Variants in PDE4C observed in about 807,000 individuals in gnomAD.
PDE4C encodes 3',5'-cyclic-AMP phosphodiesterase 4C.
A neutral mutation model predicts 63.9 loss-of-function variants in PDE4C; 50 were observed. The ratio of observed to expected loss-of-function variants is 0.78; its 90% confidence interval spans 0.62 to 0.99. The LOEUF is 0.99. Ranked by LOEUF, PDE4C falls within the 50% of genes least tolerant of loss-of-function variation. The pLI, the probability that PDE4C is intolerant of heterozygous loss-of-function variation, is 0.00. For missense variants in PDE4C, 777 were observed against 899.1 expected, an observed-to-expected ratio of 0.86 and a Z score of 1.74; for synonymous variants, 377 against 385.1, an observed-to-expected ratio of 0.98 and a Z score of 0.25.
chr19:18,238,419 G>A (rs1968988733), upstream of PDE4C, among the ~76,000 whole-genome samples: 1 of 151,630 alleles, frequency 6.6e-6, no homozygotes, highest in Non-Finnish European at 1.5e-5. Flanking sequence ...GGTATTTTTA[G>A]TAGAGAGGGG....
At chr19:18,219,879 A>C (rs1968383179) in intron 7 of PDE4C, among the ~76,000 whole-genome samples, 1 of 150,806 alleles carries the variant, frequency 6.6e-6, no homozygotes, top group Non-Finnish European at 1.5e-5. Flanking sequence ...TCCTCTGTTC[A>C]CAGCTGATCT....
exon 1 of PDE4C, chr19:18,233,584 A>G: frequency 2.1e-6 from 1 of 479,724 alleles, no homozygotes; most frequent in South Asian, 1.5e-5. Flanking sequence ...TCGCTGCTAA[A>G]TGGAGGGCAG....
chr19:18,250,233 G>C (rs1476678435), upstream of PDE4C: 1 of 398,960 alleles, frequency 2.5e-6, no homozygotes. Flanking sequence ...TGCAGCCCAG[G>C]TTGGCCCTGC....
At chr19:18,216,031 ATG>A (rs1374566539) in intron 12 of PDE4C, among the ~76,000 whole-genome samples, 1 of 151,266 alleles carries the variant, frequency 6.6e-6, no homozygotes, top group Non-Finnish European at 1.5e-5. Context: ...GGGTTTCACC[ATG>A]TTGATCAAGC....
At chr19:18,242,322 A>G (rs972952805) in intron 1 of PDE4C, among the ~76,000 whole-genome samples, 1 of 151,448 alleles carries the variant, frequency 6.6e-6, no homozygotes, top group African/African-American at 2.4e-5. Flanking sequence ...ATAAAAATAC[A>G]AAAATTACCT....
At chr19:18,219,691 G>A in intron 7 of PDE4C, 1 of 309,976 alleles carries the variant, frequency 3.2e-6, no homozygotes, top group Non-Finnish European at 6.0e-6. Context: ...ACGTATGGTG[G>A]CAGGCACCTG....
At chr19:18,249,920 C>T, upstream of PDE4C, 1 of 389,268 alleles carries the variant, frequency 2.6e-6, no homozygotes, top group Non-Finnish European at 4.5e-6. Context: ...TCTGTGGATC[C>T]CCTGAAAGTA....
At chr19:18,254,681 CAGAG>C in the PDE4C span, among the ~76,000 whole-genome samples, 2 of 152,142 alleles carry the variant, frequency 1.3e-5, no homozygotes, top group Non-Finnish European at 2.9e-5. Context: ...GGACACCGGT[CAGAG>C]AGAGTGACAA....
Position 18,220,509 on chromosome 19 carries a change from G to A in PDE4C, c.506C>T (p.Thr169Met). ...CGTCTCCAATGCCAGCTTCTGCCCC[G>A]TGTCCTCTGGGAGCCGAGGCAGTCA... Residue 169 changes from threonine to methionine, a missense_variant, in exon 6 of 15, where the codon ACG becomes ATG. Around this residue, in one of 3 missense-constraint regions of PDE4C, gnomAD observed 249 missense variants for 247.8 expected, o/e 1.00. Transcript: ENST00000262805. This position sits in a 1 kb window ranked among gnomAD's most constrained non-coding sequence, Gnocchi z 5.1. The A allele has an allele frequency of 6.2e-7, 1 of 1,612,756 alleles. No individual in the cohort carries two copies. Among genetic ancestry groups the A allele is most frequent in the South Asian group, 1.1e-5 (1 of 90,996 alleles).
At chr19:18,248,563 G>C (rs1206302636), upstream of PDE4C, among the ~76,000 whole-genome samples, 1 of 151,994 alleles carries the variant, frequency 6.6e-6, no homozygotes, top group African/African-American at 2.4e-5. Context: ...AGGGCGCGAA[G>C]GAAGATGGTG....
chr19:18,224,387 G>T, intron 1 of PDE4C: 4 of 985,544 alleles, frequency 4.1e-6, no homozygotes, highest in Non-Finnish European at 4.8e-6. Flanking sequence ...CCCCGTCCAC[G>T]AGCTGGGTCG....
chr19:18,221,276 C>A, exon 3 of PDE4C: 1 of 1,543,820 alleles, frequency 6.5e-7, no homozygotes, highest in Non-Finnish European at 8.7e-7. Flanking sequence ...CAAAGGGCGT[C>A]ACAATCATGT....
chr19:18,238,738 A>T (rs1339081199), intron 1 of PDE4C, among the ~76,000 whole-genome samples: 5 of 152,066 alleles, frequency 3.3e-5, no homozygotes, highest in African/African-American at 1.2e-4. Flanking sequence ...CATGCCTGTA[A>T]TCCCAATACT....
intron 11 of PDE4C, chr19:18,217,149 C>T (rs1335568807): frequency 2.4e-5 from 9 of 377,532 alleles, no homozygotes; most frequent in Non-Finnish European, 3.8e-5. Context: ...ACAGTGAGTA[C>T]TCAGTAATGT....
At chr19:18,215,368 T>A (rs1968143815) in intron 12 of PDE4C, among the ~76,000 whole-genome samples, 1 of 152,080 alleles carries the variant, frequency 6.6e-6, no homozygotes, top group African/African-American at 2.4e-5. Flanking sequence ...AGGGTTAGAA[T>A]TTCATAACGG....
rs533774563 is a variant in PDE4C, at chr19:18,211,205, C to T, written c.1767G>A (p.Gln589=). The change falls in exon 15 of 15, where the codon CAG becomes CAA. Residue 589 remains glutamine (Q), a synonymous_variant. Coordinates refer to ENST00000262805, the Ensembl canonical transcript of PDE4C. ...TGTCCTCCAGCGTGTCCAGCAGGTCCTGTGCATCTGGGTGGACCAGGTCAG... is the reference window on the plus strand; with the variant it reads ...TGTCCTCCAGCGTGTCCAGCAGGTCTTGTGCATCTGGGTGGACCAGGTCAG... 6.8e-6 allele frequency: 11 copies of T among 1,613,640 alleles called. No individual in the cohort carries two copies. The East Asian group carries it at 2.2e-4, about 33-fold the overall frequency.
chr19:18,218,809 C>T (rs1015151742), intron 9 of PDE4C, 131 bp downstream of exon 9: 90 of 789,670 alleles, frequency 1.1e-4, no homozygotes, highest in Non-Finnish European at 1.9e-4. Flanking sequence ...TCCTTCAATA[C>T]CCTGCTCAAA....
chr19:18,219,824 A>C (rs1026673603), intron 7 of PDE4C, among the ~76,000 whole-genome samples: 1 of 146,756 alleles, frequency 6.8e-6, no homozygotes, highest in Non-Finnish European at 1.5e-5. Context: ...CTCTGTATCA[A>C]AAAAAAAAAA....
chr19:18,219,257 C>T (rs1226951987), exon 8 of PDE4C: 1 of 1,614,190 alleles, frequency 6.2e-7, no homozygotes, highest in East Asian at 2.2e-5. Flanking sequence ...TCCTCCTGGT[C>T]AGTCTGGACC....
Sources: gnomAD v4.1 joint callset for allele counts (sites outside exome capture counted in the v4.1 genomes callset) on GRCh38, gnomAD v4.1.1 for gene constraint, gnomAD v4.1.1 regional missense constraint, Gnocchi (gnomAD v3.1) non-coding constraint, MANE v1.5 for transcripts, NCBI Gene and HGNC (gene_info 2026-07-23, HGNC 2026-07-21) for gene names.